NDUFA10: variants seen among roughly 807,000 people sequenced by gnomAD.
The protein encoded by NDUFA10 is NADH:ubiquinone oxidoreductase subunit A10, also known as NADH dehydrogenase [ubiquinone] 1 alpha subcomplex subunit 10, mitochondrial.
NDUFA10 carries 40 observed loss-of-function variants against 47.8 expected under a neutral mutation model. The ratio of observed to expected loss-of-function variants is 0.84; its 90% CI spans 0.65 to 1.09. The LOEUF (loss-of-function observed/expected upper bound fraction) is 1.09, where lower values mean the gene tolerates loss of function less well. Ranked by LOEUF, NDUFA10 falls within the 50% of genes least tolerant of loss-of-function variation. NDUFA10 has a pLI of 0.00. For synonymous variants in NDUFA10, 183 were observed against 172.2 expected (o/e 1.06, Z -0.49); for missense variants, 413 against 451.1 (o/e 0.92, Z 0.76).
chr2:239,948,343 T>C (rs1694491888), intron 4 of NDUFA10, among the ~76,000 whole-genome samples: 1 of 152,230 alleles, frequency 6.6e-6, no homozygotes, highest in Non-Finnish European at 1.5e-5. Context: ...TGTGGTCTCA[T>C]TCAAGGCTGC....
chr2:239,964,932 G>C (rs768978398), intron 9 of NDUFA10, among the ~76,000 whole-genome samples: 1 of 152,120 alleles, frequency 6.6e-6, no homozygotes, highest in East Asian at 1.9e-4. Flanking sequence ...CCCACACGAC[G>C]GCCAGCAGGC....
chr2:239,960,605 G>C lies in NDUFA10; in HGVS notation c.*513C>G. ...GCACATTACTAAAATAAATACAGTA[G>C]GCCTTTAGAAAAACTCTTCAGCATA... On this transcript the variant is annotated 3_prime_UTR_variant, in exon 10 of 10. Transcript: ENST00000252711. 7 of 1,021,586 alleles carry C rather than the reference G, an allele frequency of 6.9e-6. No individual in the cohort carries two copies. The highest frequency in any genetic ancestry group is 8.2e-6 in the Non-Finnish European group (7 of 849,434). The allele number at this position is 1,021,586 out of a possible 1,614,324, so 63.3% of individuals were successfully genotyped here. A position where few individuals can be genotyped will look rare whatever the true frequency, so the allele number is the denominator to read the frequency against.
chr2:239,991,222 C>T (rs925802667), intron 8 of NDUFA10, among the ~76,000 whole-genome samples: 2 of 152,146 alleles, frequency 1.3e-5, no homozygotes, highest in Non-Finnish European at 2.9e-5. Context: ...CACAGAGCTG[C>T]GAACCTGCGG....
intron 9 of NDUFA10, among the ~76,000 whole-genome samples, chr2:239,976,907 T>C (rs1054005655): frequency 2.6e-5 from 4 of 152,082 alleles, no homozygotes; most frequent in African/African-American, 9.7e-5. Flanking sequence ...CACCACTGAT[T>C]TAGACAACTG....
chr2:239,961,163 A>G lies in NDUFA10; in HGVS notation c.1023T>C (p.Pro341=). ...FRELPGRKYS[P]GYNTEVGDKW... ...TGTCTCCCACCTCGGTGTTGTACCC[A>G]GGGCTGTACTTGCGGCCCGGCAGCT... The change falls in exon 10 of 10, where the codon CCT becomes CCC. Residue 341 remains proline (P), a synonymous_variant. Coordinates refer to ENST00000252711, the MANE Select transcript of NDUFA10 (RefSeq NM_004544.4). The G allele has an allele frequency of 6.2e-7, 1 of 1,613,826 alleles. No homozygotes were observed. Among genetic ancestry groups the G allele is most frequent in the East Asian group, 2.2e-5 (1 of 44,838 alleles).
At chr2:239,912,459 T>G (rs1028074165) in intron 4 of NDUFA10, among the ~76,000 whole-genome samples, 2 of 152,220 alleles carry the variant, frequency 1.3e-5, no homozygotes, top group African/African-American at 4.8e-5. Flanking sequence ...GACACACTTG[T>G]ACCCAGAACA....
intron 4 of NDUFA10, chr2:240,018,003 C>T: frequency 9.9e-7 from 1 of 1,006,398 alleles, no homozygotes; most frequent in Non-Finnish European, 1.5e-6. Context: ...CCCACCCTGA[C>T]TCCTCAAGGT....
chr2:239,959,455 A>G lies in NDUFA10; in HGVS notation c.*1663T>C. On this transcript the variant is annotated 3_prime_UTR_variant, in exon 10 of 10. Coordinates refer to ENST00000252711, the MANE Select transcript of NDUFA10 (RefSeq NM_004544.4). ...CCTCCCCTCCACAATGGGTTTGTGA[A>G]GTGCTCAGAGCAAAAGACACTCTGT... The G allele has an allele frequency of 1.0e-6, 1 of 985,486 alleles. No homozygotes were observed. The highest frequency in any genetic ancestry group is 4.7e-5 in the South Asian group (1 of 21,290). The allele number at this position is 985,486 out of a possible 1,614,324, so 61.0% of individuals were successfully genotyped here.
chr2:239,926,649 A>G (rs1382163920), intron 4 of NDUFA10, among the ~76,000 whole-genome samples: 1 of 152,200 alleles, frequency 6.6e-6, no homozygotes. Flanking sequence ...ACAGCCTCAG[A>G]TAAGTCCTTC....
intron 8 of NDUFA10, among the ~76,000 whole-genome samples, chr2:239,993,390 C>G (rs575720649): frequency 2.0e-5 from 3 of 152,190 alleles, no homozygotes; most frequent in East Asian, 3.9e-4. Flanking sequence ...GGGAAGGTGT[C>G]AGGGAGAAAA....
At chr2:239,937,178 A>G (rs1694279403) in intron 4 of NDUFA10, among the ~76,000 whole-genome samples, 1 of 152,040 alleles carries the variant, frequency 6.6e-6, no homozygotes, top group South Asian at 2.1e-4. Context: ...GAGCCCATGC[A>G]CTCTACTTTG....
chr2:239,940,977 T>C (rs984019586), intron 4 of NDUFA10, among the ~76,000 whole-genome samples: 9 of 152,222 alleles, frequency 5.9e-5, no homozygotes, highest in African/African-American at 2.2e-4. Context: ...ACCACAGATA[T>C]TCTTCTCCAT....
downstream of NDUFA10, among the ~76,000 whole-genome samples, chr2:239,955,070 C>T (rs895866274): frequency 3.3e-5 from 5 of 152,224 alleles, no homozygotes; most frequent in Non-Finnish European, 7.3e-5. Context: ...TGGGCTTTGG[C>T]TGGCACATAC....
At chr2:239,955,085 T>A (rs1258868037), downstream of NDUFA10, among the ~76,000 whole-genome samples, 1 of 152,240 alleles carries the variant, frequency 6.6e-6, no homozygotes, top group Non-Finnish European at 1.5e-5. Flanking sequence ...ACATACCATG[T>A]TCTTCTCAAA....
chr2:239,984,552 A>C (rs992498100), intron 9 of NDUFA10, among the ~76,000 whole-genome samples: 1 of 152,250 alleles, frequency 6.6e-6, no homozygotes, highest in Non-Finnish European at 1.5e-5. Context: ...TAATGCTCAC[A>C]AACTGAAAAG....
chr2:239,944,203 C>T (rs1346877219), intron 4 of NDUFA10, among the ~76,000 whole-genome samples: 1 of 152,252 alleles, frequency 6.6e-6, no homozygotes, highest in East Asian at 1.9e-4. Context: ...TATCCTCCTG[C>T]CAAGATCCTG....
intron 4 of NDUFA10, among the ~76,000 whole-genome samples, chr2:239,916,982 C>CA (rs954549184): frequency 1.3e-5 from 2 of 152,218 alleles, no homozygotes; most frequent in Non-Finnish European, 2.9e-5. Flanking sequence ...AGACATGAAA[C>CA]ACTGTGGACA....
intron 9 of NDUFA10, chr2:239,983,864 G>C (rs1695893736): frequency 1.5e-6 from 2 of 1,366,782 alleles, no homozygotes; most frequent in Admixed American, 2.8e-5. Context: ...TGATATTCTA[G>C]ACGGGGTATT....
chr2:239,983,412 T>C, intron 9 of NDUFA10: 1 of 1,448,114 alleles, frequency 6.9e-7, no homozygotes, highest in Non-Finnish European at 9.2e-7. Context: ...TTTCCAGAAA[T>C]GGTCATTATT....
Sources: gnomAD v4.1 joint callset for allele counts (sites outside exome capture counted in the v4.1 genomes callset) on GRCh38, gnomAD v4.1.1 for gene constraint, MANE v1.5 for transcripts, NCBI Gene and HGNC (gene_info 2026-07-23, HGNC 2026-07-21) for gene names.